The following CRPPA variants were observed in gnomAD, a reference collection of about 807,000 sequenced individuals.
CRPPA encodes the protein CDP-L-ribitol pyrophosphorylase A.
CRPPA carries 43 observed loss-of-function variants against 52.0 expected under a neutral mutation model. That is an observed-to-expected ratio of 0.83 (90% CI 0.65 to 1.07). The LOEUF (loss-of-function observed/expected upper bound fraction) is 1.07. Among genes scored for constraint, CRPPA ranks in the 50% least tolerant of loss-of-function variants. CRPPA has a pLI of 0.00. For missense variants in CRPPA, 629 were observed against 551.7 expected (o/e 1.14, Z -1.40); for synonymous variants, 250 against 203.5 (o/e 1.23, Z -1.94).
intron 3 of CRPPA, among the ~76,000 whole-genome samples, chr7:16,319,221 A>G (rs988316597): frequency 1.3e-5 from 2 of 152,288 alleles, no homozygotes; most frequent in African/African-American, 4.8e-5. Flanking sequence ...CTTATGACTC[A>G]TTCAATGCCA....
intron 5 of CRPPA, among the ~76,000 whole-genome samples, chr7:16,286,763 T>G (rs114569481): frequency 5.5e-4 from 84 of 152,262 alleles, no homozygotes; most frequent in African/African-American, 2.0e-3. Context: ...CATAAAAGTA[T>G]CTCTCTCAAA....
chr7:16,323,468 C>T (rs1785307283), intron 3 of CRPPA, among the ~76,000 whole-genome samples: 4 of 152,090 alleles, frequency 2.6e-5, no homozygotes, highest in Admixed American at 2.6e-4. Flanking sequence ...ATTCTTGTAC[C>T]TCTGCTATCT....
At chr7:16,108,137 A>G (rs1782193524) in intron 9 of CRPPA, among the ~76,000 whole-genome samples, 1 of 152,030 alleles carries the variant, frequency 6.6e-6, no homozygotes, top group Non-Finnish European at 1.5e-5. Flanking sequence ...TTACCTATCA[A>G]TAATTGCCAA....
chr7:16,325,039 TC>T (rs1184759159), intron 3 of CRPPA, among the ~76,000 whole-genome samples: 1 of 152,220 alleles, frequency 6.6e-6, no homozygotes, highest in Middle Eastern at 3.2e-3. Flanking sequence ...GTAGACTTAT[TC>T]TGAAAGCAGC....
At chr7:16,301,834 C>CA (rs1301735826) in intron 4 of CRPPA, among the ~76,000 whole-genome samples, 4 of 151,960 alleles carry the variant, frequency 2.6e-5, no homozygotes, top group Non-Finnish European at 4.4e-5. Context: ...CTCTGTATAA[C>CA]AAAAAAGTCA....
intron 4 of CRPPA, among the ~76,000 whole-genome samples, chr7:16,302,573 T>G (rs1472489899): frequency 6.6e-6 from 1 of 152,200 alleles, no homozygotes; most frequent in African/African-American, 2.4e-5. Context: ...ATGATGCAAG[T>G]GTTCTAAAAA....
chr7:16,116,703 G>GGA (rs952136933), intron 9 of CRPPA, among the ~76,000 whole-genome samples: 84 of 149,892 alleles, frequency 5.6e-4, no homozygotes, highest in African/African-American at 1.9e-3. Flanking sequence ...GAAAGGGAAG[G>GGA]GAGAGAGAGA....
intron 3 of CRPPA, among the ~76,000 whole-genome samples, chr7:16,365,147 C>G (rs1786559400): frequency 6.6e-6 from 1 of 152,152 alleles, no homozygotes; most frequent in South Asian, 2.1e-4. Flanking sequence ...CTATAGCTTC[C>G]TCTGGAGACA....
chr7:16,117,143 A>G (rs1353956713), intron 9 of CRPPA, among the ~76,000 whole-genome samples: 2 of 152,210 alleles, frequency 1.3e-5, no homozygotes, highest in East Asian at 1.9e-4. Context: ...TGGATTTTAA[A>G]ATGGGTTAAC....
At chr7:16,133,016 G>C (rs1370047907) in intron 9 of CRPPA, among the ~76,000 whole-genome samples, 4 of 122,862 alleles carry the variant, frequency 3.3e-5, no homozygotes, top group Non-Finnish European at 7.4e-5. Flanking sequence ...AATTAGTCAG[G>C]CATAGTGGCC....
chr7:16,399,759 C>T (rs554483888), intron 2 of CRPPA, among the ~76,000 whole-genome samples: 2 of 152,174 alleles, frequency 1.3e-5, no homozygotes, highest in African/African-American at 4.8e-5. Flanking sequence ...ACGTTTCTCA[C>T]AAGTGACAAG....
chr7:16,131,269 T>C (rs1041556668), intron 9 of CRPPA, among the ~76,000 whole-genome samples: 1 of 152,148 alleles, frequency 6.6e-6, no homozygotes, highest in African/African-American at 2.4e-5. Context: ...AACAGACCAT[T>C]AGAGGCAATT....
chr7:16,347,356 C>T (rs1239496991), intron 3 of CRPPA, among the ~76,000 whole-genome samples: 1 of 152,056 alleles, frequency 6.6e-6, no homozygotes, highest in African/African-American at 2.4e-5. Flanking sequence ...TATCTTTGTC[C>T]TATTTCAAGT....
At chr7:16,170,551 T>C (rs1175074929) in intron 9 of CRPPA, among the ~76,000 whole-genome samples, 2 of 152,212 alleles carry the variant, frequency 1.3e-5, no homozygotes, top group Non-Finnish European at 2.9e-5. Context: ...CAAGATTTAT[T>C]GCAAAGAGCG....
chr7:16,323,507 G>A (rs569038644), intron 3 of CRPPA, among the ~76,000 whole-genome samples: 5 of 152,290 alleles, frequency 3.3e-5, no homozygotes, highest in African/African-American at 1.2e-4. Flanking sequence ...TGGATAATCT[G>A]CTGGTCAAAG....
chr7:16,203,621 G>A (rs75908106), intron 9 of CRPPA, among the ~76,000 whole-genome samples: 2,082 of 152,190 alleles, frequency 0.014, 49 homozygotes, highest in African/African-American at 0.047. Context: ...ATAGGGATGA[G>A]GAAGAGACTG....
At chr7:16,260,289 G>A (rs890835417) in intron 6 of CRPPA, among the ~76,000 whole-genome samples, 1 of 151,702 alleles carries the variant, frequency 6.6e-6, no homozygotes, top group African/African-American at 2.4e-5. Flanking sequence ...TTATTTTCCA[G>A]TAAGATGGGG....
At chr7:16,103,699 A>G (rs1583357413) in intron 9 of CRPPA, among the ~76,000 whole-genome samples, 1 of 152,150 alleles carries the variant, frequency 6.6e-6, no homozygotes, top group Non-Finnish European at 1.5e-5. Context: ...TGAGGCAGGC[A>G]TTCTCTTAAA....
At chr7:16,388,133 G>GAT (rs1787342287) in intron 2 of CRPPA, among the ~76,000 whole-genome samples, 1 of 152,010 alleles carries the variant, frequency 6.6e-6, no homozygotes, top group Admixed American at 6.6e-5. Context: ...ACAGGCATGT[G>GAT]CCACCCCACC....
Sources: allele counts gnomAD v4.1 joint callset (sites outside exome capture counted in the v4.1 genomes callset), GRCh38; gene constraint gnomAD v4.1.1; transcripts MANE v1.5; gene names NCBI Gene and HGNC (gene_info 2026-07-23, HGNC 2026-07-21).